ELMO1: variants seen among roughly 807,000 people sequenced by gnomAD.
The protein encoded by ELMO1 is engulfment and cell motility protein 1.
ELMO1 carries 26 observed loss-of-function variants against 98.9 expected under a neutral mutation model. The ratio of observed to expected loss-of-function variants is 0.26; its 90% CI spans 0.19 to 0.36. ELMO1 has a LOEUF of 0.36. Among genes scored for constraint, ELMO1 ranks in the 10% least tolerant of loss-of-function variants. The probability of loss-of-function intolerance (pLI) is 1.00; values close to 1 mark genes in which losing one functional copy is unlikely to be tolerated. For missense variants in ELMO1, 627 were observed against 935.2 expected (o/e 0.67, Z 4.30); for synonymous variants, 346 against 346.0 (o/e 1.00, Z 0.00).
In ELMO1 at chr7:37,107,613, A is replaced by G. The variant is rs187464270; in HGVS notation, c.1192-10886T>C. Among the ~76,000 whole-genome samples, 6 of 152,314 alleles carry G rather than the reference A, an allele frequency of 3.9e-5. No individual in the cohort carries two copies. The East Asian group carries it at 1.2e-3, about 29-fold the overall frequency. ...CTCACATCTCCTTCACCGGAGTGCA[A>G]AGATACCAAGAGGTTTGGCTTTTGT... On this transcript the variant is annotated intron_variant, in intron 14 of 21. Transcript: ENST00000310758.
rs11977490 is a variant in ELMO1, at chr7:37,414,968, A to G, written c.-74+33707T>C. On this transcript the variant is annotated intron_variant, in intron 1 of 21. Coordinates refer to ENST00000310758, the MANE Select transcript of ELMO1 (RefSeq NM_014800.11). Reference sequence around the variant, plus strand: ...AAAATCTTGAGAAATATCTAAAGCCAAAAAAGCTATTTAATGGTTTAAACC... The same window carrying G: ...AAAATCTTGAGAAATATCTAAAGCCGAAAAAGCTATTTAATGGTTTAAACC... 7.9e-3 allele frequency among the ~76,000 whole-genome samples: 1,198 copies of G among 152,348 alleles called. 14 individuals are homozygous for G. The highest frequency in any genetic ancestry group is 0.027 in the African/African-American group (1,127 of 41,570).
Position 37,018,487 on chromosome 7 carries a change from A to AT in ELMO1, c.1301-5053dup, listed in dbSNP as rs199976131. 2.7e-3 allele frequency among the ~76,000 whole-genome samples: 399 copies of AT among 146,452 alleles called. 2 individuals are homozygous for AT. Among genetic ancestry groups the AT allele is most frequent in the East Asian group, 4.4e-3 (22 of 4,982 alleles). ...TAGTAAATGGTAGCTATTAGTTACT[A>AT]TTTTTTTTTTATGAAGTCTTGTTTT... On this transcript the variant is annotated intron_variant, in intron 15 of 21. Coordinates refer to ENST00000310758, the MANE Select transcript of ELMO1 (RefSeq NM_014800.11).
chr7:37,020,680 C>G (rs1317471467), intron 15 of ELMO1, among the ~76,000 whole-genome samples: 1 of 152,148 alleles, frequency 6.6e-6, no homozygotes, highest in African/African-American at 2.4e-5. Context: ...AGACTCTGAA[C>G]CCATTTACAA....
intron 1 of ELMO1, among the ~76,000 whole-genome samples, chr7:37,417,391 G>T (rs187135606): frequency 1.3e-4 from 20 of 152,304 alleles, no homozygotes; most frequent in Admixed American, 1.2e-3. Context: ...GCCAGGCGCG[G>T]TGTCTTACGC....
intron 18 of ELMO1, among the ~76,000 whole-genome samples, chr7:36,880,827 CAG>C (rs1379924074): frequency 6.6e-6 from 1 of 152,172 alleles, no homozygotes; most frequent in Non-Finnish European, 1.5e-5. Flanking sequence ...GGCTATCTGT[CAG>C]AGTTTCAAGA....
chr7:37,060,310 T>C (rs1294649264), intron 15 of ELMO1, among the ~76,000 whole-genome samples: 1 of 152,132 alleles, frequency 6.6e-6, no homozygotes, highest in East Asian at 1.9e-4. Flanking sequence ...ATATACACCA[T>C]GGAATACTAC....
At chr7:36,860,195 T>C (rs1055270159) in intron 21 of ELMO1, among the ~76,000 whole-genome samples, 1 of 152,216 alleles carries the variant, frequency 6.6e-6, no homozygotes, top group Non-Finnish European at 1.5e-5. Flanking sequence ...AGTAGGCTAC[T>C]GACAGTTAAG....
intron 4 of ELMO1, among the ~76,000 whole-genome samples, chr7:37,314,592 A>T (rs1799056167): frequency 6.6e-6 from 1 of 152,250 alleles, no homozygotes; most frequent in African/African-American, 2.4e-5. Flanking sequence ...ACCAAGCAGT[A>T]AGAGAGACAT....
chr7:37,109,739 T>C (rs1176716105), intron 14 of ELMO1, among the ~76,000 whole-genome samples: 1 of 152,194 alleles, frequency 6.6e-6, no homozygotes, highest in Non-Finnish European at 1.5e-5. Flanking sequence ...CCATTCCAGC[T>C]GGAAACATTG....
At chr7:37,064,276 G>T (rs1796831197) in intron 15 of ELMO1, among the ~76,000 whole-genome samples, 1 of 152,112 alleles carries the variant, frequency 6.6e-6, no homozygotes, top group African/African-American at 2.4e-5. Context: ...CCTCATGCTA[G>T]GAGGGTGATG....
intron 4 of ELMO1, among the ~76,000 whole-genome samples, chr7:37,304,728 A>C (rs1330360536): frequency 6.6e-6 from 1 of 152,130 alleles, no homozygotes; most frequent in Non-Finnish European, 1.5e-5. Context: ...AAAAAATAGA[A>C]AGAAAAGAAA....
intron 2 of ELMO1, among the ~76,000 whole-genome samples, chr7:37,320,477 CTCCT>C (rs1319698471): frequency 6.6e-6 from 1 of 152,166 alleles, no homozygotes; most frequent in African/African-American, 2.4e-5. Flanking sequence ...AAATGGCCCT[CTCCT>C]TCTTTCTGTT....
intron 20 of ELMO1, among the ~76,000 whole-genome samples, chr7:36,864,679 G>A (rs941185064): frequency 2.0e-5 from 3 of 152,298 alleles, no homozygotes; most frequent in Admixed American, 6.5e-5. Context: ...GGCGCCAGGT[G>A]GTGGTGGAGT....
intron 16 of ELMO1, among the ~76,000 whole-genome samples, chr7:36,980,710 T>TATTGTAATGATA (rs1790977159): frequency 6.6e-6 from 1 of 152,236 alleles, no homozygotes; most frequent in Middle Eastern, 3.2e-3. Flanking sequence ...ATGATAATTT[T>TATTGTAATGATA]ACGTATGTGA....
intron 8 of ELMO1, among the ~76,000 whole-genome samples, chr7:37,229,559 T>C (rs17256337): frequency 0.035 from 5,372 of 152,298 alleles, 111 homozygotes; most frequent in Middle Eastern, 0.082. Flanking sequence ...AAGCCAACTC[T>C]AGACCACAGA....
intron 13 of ELMO1, among the ~76,000 whole-genome samples, chr7:37,149,285 T>C (rs1284152739): frequency 6.6e-6 from 1 of 152,174 alleles, no homozygotes; most frequent in Non-Finnish European, 1.5e-5. Flanking sequence ...GCTTTATTTA[T>C]AATAGCAGAA....
intron 14 of ELMO1, chr7:37,116,657 CTG>C (rs1201564246): frequency 1.3e-5 from 2 of 151,368 alleles, no homozygotes; most frequent in African/African-American, 4.9e-5. Flanking sequence ...TAAAGTCCCA[CTG>C]TGTTTTAAAA....
At chr7:37,162,583 T>C (rs1011419429) in intron 13 of ELMO1, among the ~76,000 whole-genome samples, 1 of 152,178 alleles carries the variant, frequency 6.6e-6, no homozygotes, top group African/African-American at 2.4e-5. Flanking sequence ...TGACAAGTAG[T>C]AACTATTTCA....
chr7:37,227,370 T>A (rs1320413527), intron 8 of ELMO1, among the ~76,000 whole-genome samples: 1 of 152,166 alleles, frequency 6.6e-6, no homozygotes, highest in Non-Finnish European at 1.5e-5. Flanking sequence ...ATCAGAACTC[T>A]CAGTGTTTTC....
Sources: gnomAD v4.1 joint callset for allele counts (sites outside exome capture counted in the v4.1 genomes callset) on GRCh38, gnomAD v4.1.1 for gene constraint, MANE v1.5 for transcripts, NCBI Gene and HGNC (gene_info 2026-07-23, HGNC 2026-07-21) for gene names.